Variants in ZFAT observed in about 807,000 individuals in gnomAD.
The protein encoded by ZFAT is zinc finger and AT-hook domain containing.
ZFAT carries 64 observed loss-of-function variants against 117.7 expected under a neutral mutation model. That is an observed-to-expected ratio of 0.54 (90% CI 0.44 to 0.67). ZFAT has a LOEUF of 0.67. ZFAT is among the 30% of genes least tolerant of loss of function. The probability of loss-of-function intolerance (pLI) is 0.00; values close to 1 mark genes in which losing one functional copy is unlikely to be tolerated. For synonymous variants in ZFAT, 679 were observed against 615.0 expected (o/e 1.10, Z -1.54); for missense variants, 1,433 against 1,584.5 (o/e 0.90, Z 1.62).
At chr8:134,761,368 A>T in the ZFAT span, among the ~76,000 whole-genome samples, 2 of 152,096 alleles carry the variant, frequency 1.3e-5, no homozygotes, top group Non-Finnish European at 2.9e-5. Context: ...ATGGAAACAC[A>T]TAGTAGGGGA....
chr8:134,670,477 C>T (rs939348637), intron 1 of ZFAT, among the ~76,000 whole-genome samples: 6 of 152,244 alleles, frequency 3.9e-5, no homozygotes, highest in Admixed American at 3.9e-4. Flanking sequence ...TACATGGAAA[C>T]TGAACAACCT....
intron 7 of ZFAT, among the ~76,000 whole-genome samples, chr8:134,590,689 C>A (rs1182156089): frequency 7.8e-6 from 1 of 127,734 alleles, no homozygotes; most frequent in Non-Finnish European, 1.7e-5. Flanking sequence ...CCACCACCAC[C>A]AACAACAACA....
At chr8:134,644,843 TCA>T (rs1267465140) in intron 2 of ZFAT, among the ~76,000 whole-genome samples, 2 of 151,814 alleles carry the variant, frequency 1.3e-5, no homozygotes, top group African/African-American at 4.8e-5. Context: ...ACGTGCACAC[TCA>T]CACACCATCT....
chr8:134,494,790 T>C lies in ZFAT; in HGVS notation c.3492+14829A>G, dbSNP rs575126495. On this transcript the variant is annotated intron_variant, in intron 15 of 15. Transcript: ENST00000377838. Reference sequence around the variant, plus strand: ...CCATTTAAATCACTCATCAAACTTATCGAGGTAAGTTCATTAGTAGCAAGT... The same window carrying C: ...CCATTTAAATCACTCATCAAACTTACCGAGGTAAGTTCATTAGTAGCAAGT... 3.3e-5 allele frequency among the ~76,000 whole-genome samples: 5 copies of C among 152,314 alleles called. No individual in the cohort carries two copies. The South Asian group carries it at 1.0e-3, about 32-fold the overall frequency.
intron 3 of ZFAT, among the ~76,000 whole-genome samples, chr8:134,629,174 G>C (rs1829717082): frequency 6.6e-6 from 1 of 152,186 alleles, no homozygotes; most frequent in East Asian, 1.9e-4. Flanking sequence ...GCTGAATGGT[G>C]GGGGCCAGTC....
intron 10 of ZFAT, among the ~76,000 whole-genome samples, chr8:134,578,028 C>T (rs1825438023): frequency 7.0e-6 from 1 of 143,660 alleles, no homozygotes; most frequent in African/African-American, 2.5e-5. Context: ...AAGGAGGTAT[C>T]CATTCAGACA....
intron 3 of ZFAT, among the ~76,000 whole-genome samples, chr8:134,630,668 T>C (rs1344913159): frequency 1.3e-5 from 2 of 152,186 alleles, no homozygotes; most frequent in African/African-American, 4.8e-5. Flanking sequence ...TTCTGTAGGC[T>C]GCAAAACATT....
intron 1 of ZFAT, among the ~76,000 whole-genome samples, chr8:134,684,043 T>A (rs909535807): frequency 6.6e-6 from 1 of 152,010 alleles, no homozygotes; most frequent in African/African-American, 2.4e-5. Flanking sequence ...AGCTTTCCAC[T>A]TGGGTGACTA....
the ZFAT span, chr8:134,766,463 T>A: frequency 6.6e-6 from 1 of 152,210 alleles, no homozygotes; most frequent in African/African-American, 2.4e-5. Flanking sequence ...TAACTCATGG[T>A]CAATCATCTG....
In ZFAT at chr8:134,497,229, G is replaced by A. The variant is rs986962726; in HGVS notation, c.3492+12390C>T. On this transcript the variant is annotated intron_variant, in intron 15 of 15. Transcript: ENST00000377838. ...TTCTGAGTTATTGGAGGATTTTAAAGTAAGGGTTGCTGTGATGTAATGATA... is the reference window on the plus strand; with the variant it reads ...TTCTGAGTTATTGGAGGATTTTAAAATAAGGGTTGCTGTGATGTAATGATA... Among the ~76,000 whole-genome samples, 3 of 152,250 alleles carry A rather than the reference G, an allele frequency of 2.0e-5. No homozygotes were observed. In the East Asian group the frequency reaches 5.8e-4, roughly 29 times the overall value.
chr8:134,644,915 A>T (rs1033754644), intron 2 of ZFAT, among the ~76,000 whole-genome samples: 14 of 152,128 alleles, frequency 9.2e-5, no homozygotes, highest in African/African-American at 3.4e-4. Context: ...TCACATGCAC[A>T]CACACAAACA....
chr8:134,627,612 G>A (rs1239773361), intron 3 of ZFAT, among the ~76,000 whole-genome samples: 1 of 152,156 alleles, frequency 6.6e-6, no homozygotes, highest in African/African-American at 2.4e-5. Flanking sequence ...GAGTCACTGG[G>A]CCACACCACA....
chr8:134,726,318 C>T, the ZFAT span, among the ~76,000 whole-genome samples: 1 of 152,196 alleles, frequency 6.6e-6, no homozygotes. Context: ...CTTTGCATCT[C>T]TCCTCCCTTG....
At chr8:134,571,438 T>C in intron 10 of ZFAT, among the ~76,000 whole-genome samples, 1 of 152,250 alleles carries the variant, frequency 6.6e-6, no homozygotes, top group East Asian at 1.9e-4. Context: ...AAATGCCCCG[T>C]GGCGACTTCT....
intron 15 of ZFAT, among the ~76,000 whole-genome samples, chr8:134,481,047 AC>A (rs1419436321): frequency 6.6e-6 from 1 of 152,178 alleles, no homozygotes; most frequent in Non-Finnish European, 1.5e-5. Context: ...CTGAGTGGAA[AC>A]TATCAATACA....
At chr8:134,539,607 C>T (rs2130618283) in intron 11 of ZFAT, among the ~76,000 whole-genome samples, 1 of 152,316 alleles carries the variant, frequency 6.6e-6, no homozygotes, top group South Asian at 2.1e-4. Flanking sequence ...GATAGACATA[C>T]AGAAGGAGAC....
At chr8:134,656,858 G>T (rs181995752) in intron 2 of ZFAT, among the ~76,000 whole-genome samples, 9 of 152,298 alleles carry the variant, frequency 5.9e-5, no homozygotes, top group African/African-American at 2.2e-4. Context: ...CCTAATTACA[G>T]TGCCTGGATG....
At chr8:134,713,154 C>G (rs915891456), upstream of ZFAT, 6 of 325,732 alleles carry the variant, frequency 1.8e-5, no homozygotes, top group Non-Finnish European at 3.3e-5. Context: ...TGCTCGCAGT[C>G]GGAGGCCGTG....
chr8:134,688,798 GA>G (rs1833460519), intron 1 of ZFAT, among the ~76,000 whole-genome samples: 1 of 152,162 alleles, frequency 6.6e-6, no homozygotes, highest in South Asian at 2.1e-4. Flanking sequence ...TCAAGAGAAG[GA>G]AGAGACCAAA....
Sources: gnomAD v4.1 joint callset for allele counts (sites outside exome capture counted in the v4.1 genomes callset) on GRCh38, gnomAD v4.1.1 for gene constraint, MANE v1.5 for transcripts, NCBI Gene and HGNC (gene_info 2026-07-23, HGNC 2026-07-21) for gene names.